Variants in NCOA2 observed in about 807,000 individuals in gnomAD.
NCOA2 encodes the protein nuclear receptor coactivator 2.
Under a neutral mutation model 145.1 loss-of-function variants are expected in NCOA2, and 21 were observed. The observed-to-expected ratio is 0.14, with a 90% CI of 0.10 to 0.21. The LOEUF (loss-of-function observed/expected upper bound fraction) is 0.21. Ranked by LOEUF, NCOA2 falls within the 10% of genes least tolerant of loss-of-function variation. The pLI is 1.00. For missense variants in NCOA2, 1,472 were observed against 1,837.6 expected (o/e 0.80, Z 3.64); for synonymous variants, 619 against 637.5 (o/e 0.97, Z 0.44).
At chr8:70,277,483 C>T (rs1825552533) in intron 2 of NCOA2, among the ~76,000 whole-genome samples, 1 of 152,052 alleles carries the variant, frequency 6.6e-6, no homozygotes, top group Admixed American at 6.6e-5. Flanking sequence ...AATCCTGAAA[C>T]TTTTTTAAAA....
intron 1 of NCOA2, among the ~76,000 whole-genome samples, chr8:70,389,383 C>G (rs182163881): frequency 6.6e-6 from 1 of 151,908 alleles, no homozygotes. Flanking sequence ...GGGGTTCAAG[C>G]GATTCTCCTG....
intron 9 of NCOA2, 61 bp from the exon 10 acceptor site, chr8:70,159,713 G>A (rs979897777): frequency 1.4e-6 from 2 of 1,466,218 alleles, no homozygotes; most frequent in Non-Finnish European, 1.9e-6. Context: ...GGTCGGGGAG[G>A]ACAAGACATA....
At chr8:70,224,238 A>G (rs1316248544) in intron 2 of NCOA2, among the ~76,000 whole-genome samples, 2 of 152,246 alleles carry the variant, frequency 1.3e-5, no homozygotes, top group South Asian at 4.1e-4. Flanking sequence ...AAGCTATTAA[A>G]TAAGACACCA....
chr8:70,238,838 C>T (rs559187162), intron 2 of NCOA2, among the ~76,000 whole-genome samples: 8 of 152,248 alleles, frequency 5.3e-5, no homozygotes, highest in Admixed American at 3.3e-4. Context: ...CTTGACCAAA[C>T]CACAAAATTA....
chr8:70,149,177 G>C (rs1332556735), intron 11 of NCOA2, among the ~76,000 whole-genome samples: 1 of 151,760 alleles, frequency 6.6e-6, no homozygotes, highest in Admixed American at 6.6e-5. Flanking sequence ...ATAAAAACTG[G>C]TTGCCCCCCA....
intron 4 of NCOA2, among the ~76,000 whole-genome samples, chr8:70,180,697 T>C (rs1815376635): frequency 6.6e-6 from 1 of 152,222 alleles, no homozygotes; most frequent in Non-Finnish European, 1.5e-5. Flanking sequence ...CTGTTATTTA[T>C]TTATTTGTTT....
chr8:70,266,318 AT>A (rs1163400470), intron 2 of NCOA2, among the ~76,000 whole-genome samples: 1 of 152,218 alleles, frequency 6.6e-6, no homozygotes, highest in African/African-American at 2.4e-5. Flanking sequence ...GCAGGCCACC[AT>A]GCCCAGCTTC....
Position 70,144,796 on chromosome 8 carries a change from A to C in NCOA2, c.2658T>G (p.Asn886Lys). The change falls in exon 13 of 23, where the codon AAT (asparagine) becomes AAG (lysine). Residue 886 changes from asparagine to lysine, a missense_variant. Asn to Lys is a moderately conservative substitution (Grantham distance 94). Coordinates refer to ENST00000452400, the MANE Select transcript of NCOA2 (RefSeq NM_006540.4). ...TTTGCAATGTGATGTCAAGTGGTAAATTCTGGTTTGGCAATAACCTGCCCA... is the reference window on the plus strand; with the variant it reads ...TTTGCAATGTGATGTCAAGTGGTAACTTCTGGTTTGGCAATAACCTGCCCA... ...GQLGRLLPNQ[N>K]LPLDITLQSP... is the part of the protein sequence containing the mutation. 1 of 1,614,004 alleles carries C rather than the reference A, an allele frequency of 6.2e-7. No individual in the cohort carries two copies. Among genetic ancestry groups the C allele is most frequent in the Non-Finnish European group, 8.5e-7 (1 of 1,179,882 alleles).
At chr8:70,403,644 C>A in intron 1 of NCOA2, 56 bp downstream of exon 1, 1 of 355,384 alleles carries the variant, frequency 2.8e-6, no homozygotes, top group Non-Finnish European at 5.1e-6. Context: ...GCGGCGCCCC[C>A]CGCCTGCCGC....
the NCOA2 span, among the ~76,000 whole-genome samples, chr8:70,435,340 G>A: frequency 1.4e-5 from 2 of 141,774 alleles, no homozygotes; most frequent in East Asian, 2.2e-4. Context: ...CAGGAGAATG[G>A]CATGAACCCA....
intron 1 of NCOA2, among the ~76,000 whole-genome samples, chr8:70,349,906 G>A (rs1809017021): frequency 6.6e-6 from 1 of 151,738 alleles, no homozygotes; most frequent in Non-Finnish European, 1.5e-5. Flanking sequence ...AAAATTCCTA[G>A]AAGCACCCAT....
At chr8:70,234,243 T>G (rs1485729453) in intron 2 of NCOA2, among the ~76,000 whole-genome samples, 1 of 152,248 alleles carries the variant, frequency 6.6e-6, no homozygotes, top group Non-Finnish European at 1.5e-5. Context: ...TACCAAATTT[T>G]GTTTACCCAT....
At position 70,176,880 on chromosome 8, in the gene NCOA2, C is replaced by A. The variant is rs1017315973; in HGVS notation, c.260-2021G>T. ...TGGACAGGGTGTGTACCTCCCTTAA[C>A]AGTCCTTGTTGTAGAGGCCCCAGTG... On this transcript the variant is annotated intron_variant, in intron 4 of 22. Transcript: ENST00000452400. 3.5e-4 allele frequency among the ~76,000 whole-genome samples: 53 copies of A among 152,324 alleles called. 1 individual carries two copies. Among genetic ancestry groups the A allele is most frequent in the Non-Finnish European group, 1.0e-4 (7 of 68,022 alleles).
At chr8:70,134,418 A>G (rs1404908081) in intron 15 of NCOA2, among the ~76,000 whole-genome samples, 3 of 152,224 alleles carry the variant, frequency 2.0e-5, no homozygotes, top group Non-Finnish European at 4.4e-5. Flanking sequence ...TTCCCTAAAA[A>G]TGCTAGTTAA....
At chr8:70,201,580 T>G (rs888562461) in intron 4 of NCOA2, among the ~76,000 whole-genome samples, 4 of 152,104 alleles carry the variant, frequency 2.6e-5, no homozygotes, top group Non-Finnish European at 5.9e-5. Context: ...GATAAATGAC[T>G]CAGTAATTAA....
At chr8:70,210,243 G>A (rs1050867135) in intron 4 of NCOA2, among the ~76,000 whole-genome samples, 2 of 152,134 alleles carry the variant, frequency 1.3e-5, no homozygotes, top group Admixed American at 1.3e-4. Context: ...TATCAAATCT[G>A]AGCACTTTAA....
intron 4 of NCOA2, among the ~76,000 whole-genome samples, chr8:70,197,443 GACA>G (rs1817445739): frequency 6.6e-6 from 1 of 152,232 alleles, no homozygotes; most frequent in Non-Finnish European, 1.5e-5. Flanking sequence ...GAGGGTGAGG[GACA>G]TATGCTGAGG....
intron 1 of NCOA2, among the ~76,000 whole-genome samples, chr8:70,392,908 G>A (rs1333255494): frequency 1.3e-5 from 2 of 152,196 alleles, no homozygotes; most frequent in African/African-American, 2.4e-5. Flanking sequence ...CTGCCTTAAA[G>A]GAGTAAACAT....
chr8:70,444,552 C>T, the NCOA2 span, among the ~76,000 whole-genome samples: 3 of 152,120 alleles, frequency 2.0e-5, no homozygotes, highest in African/African-American at 7.2e-5. Flanking sequence ...TGCTGGACTG[C>T]ATCAGTGTGA....
Sources: allele counts gnomAD v4.1 joint callset (sites outside exome capture counted in the v4.1 genomes callset), GRCh38; gene constraint gnomAD v4.1.1; transcripts MANE v1.5; gene names NCBI Gene and HGNC (gene_info 2026-07-23, HGNC 2026-07-21).